DPF3: variants seen among roughly 807,000 people sequenced by gnomAD.
The protein encoded by DPF3 is zinc finger protein DPF3.
Under a neutral mutation model 56.8 loss-of-function variants are expected in DPF3, and 18 were observed. The ratio of observed to expected loss-of-function variants is 0.32; its 90% CI spans 0.22 to 0.47. The LOEUF is 0.47. Ranked by LOEUF, DPF3 falls within the 20% of genes least tolerant of loss-of-function variation. The pLI is 1.00. For missense variants in DPF3, 403 were observed against 488.8 expected (o/e 0.82, Z 1.65); for synonymous variants, 188 against 180.2 (o/e 1.04, Z -0.35).
chr14:72,888,094 G>T (rs995553177), intron 1 of DPF3, among the ~76,000 whole-genome samples: 3 of 152,128 alleles, frequency 2.0e-5, no homozygotes, highest in Non-Finnish European at 2.9e-5. Flanking sequence ...CAGAACTGAG[G>T]CCTGGCTGGT....
intron 8 of DPF3, chr14:72,661,747 G>A: frequency 2.0e-6 from 2 of 985,368 alleles, no homozygotes; most frequent in Non-Finnish European, 1.2e-6. Context: ...AGCTCTGGAA[G>A]CTCAGGCCCC....
chr14:72,886,503 T>G (rs879419160), intron 1 of DPF3, among the ~76,000 whole-genome samples: 2 of 152,102 alleles, frequency 1.3e-5, no homozygotes, highest in African/African-American at 2.4e-5. Context: ...TACTAAAGAT[T>G]AGAAATAAAT....
Position 72,714,471 on chromosome 14 carries a change from G to A in DPF3, c.556C>T (p.His186Tyr). 2 of 1,613,810 alleles carry A rather than the reference G, an allele frequency of 1.2e-6. No individual in the cohort carries two copies. Among genetic ancestry groups the A allele is most frequent in the Non-Finnish European group, 1.7e-6 (2 of 1,179,784 alleles). The change falls in exon 6 of 11, where the codon CAC (histidine) becomes TAC (tyrosine). Residue 186 changes from histidine (H) to tyrosine (Y), a missense_variant. Physicochemically the swap from His to Tyr is moderately conservative, Grantham distance 83 (BLOSUM62 2). Transcript: ENST00000556509. Reference protein sequence around the residue: ...ARGSAGGRRRHDAASQEDHDK... With the variant: ...ARGSAGGRRRYDAASQEDHDK... ...TGGTCTTCCTGAGAGGCGGCGTCGT[G>A]CCTCCTCCTGCCCCCTGCAGAGCCG...
chr14:72,800,747 T>C (rs1039767821), intron 1 of DPF3, among the ~76,000 whole-genome samples: 1 of 151,798 alleles, frequency 6.6e-6, no homozygotes, highest in Non-Finnish European at 1.5e-5. Flanking sequence ...GGTGGATGCA[T>C]GGATGGGTGC....
rs80164879 is a variant in DPF3, at chr14:72,844,952, T to A, written c.32+49105A>T. On this transcript the variant is annotated intron_variant, in intron 1 of 10. Coordinates refer to ENST00000556509, the MANE Select transcript of DPF3 (RefSeq NM_001280542.3). Reference sequence around the variant, plus strand: ...CTGGGCAACATAGTGAGTCCCTGACTCTACAACAAATTTAAAAATTAGCCA... The same window carrying A: ...CTGGGCAACATAGTGAGTCCCTGACACTACAACAAATTTAAAAATTAGCCA... Among the ~76,000 whole-genome samples, 3 of 152,268 alleles carry A rather than the reference T, an allele frequency of 2.0e-5. No homozygotes were observed. In the East Asian group the frequency reaches 5.8e-4, roughly 29 times the overall value.
chr14:72,712,648 G>A (rs182028008), intron 6 of DPF3, among the ~76,000 whole-genome samples: 44 of 152,302 alleles, frequency 2.9e-4, no homozygotes, highest in African/African-American at 1.0e-3. Flanking sequence ...TGAGGCAGGA[G>A]GATCACTTGA....
intron 8 of DPF3, among the ~76,000 whole-genome samples, chr14:72,633,889 A>G (rs1467141807): frequency 5.9e-5 from 9 of 152,194 alleles, no homozygotes; most frequent in Admixed American, 1.3e-4. Context: ...GTGCTGAGCT[A>G]TGAAGACATT....
In DPF3 at chr14:72,778,216, C is replaced by G. The variant is rs186608782; in HGVS notation, c.33-6323G>C. Among the ~76,000 whole-genome samples the G allele has an allele frequency of 2.3e-3, 356 of 152,294 alleles. 2 individuals are homozygous for G. The highest frequency in any genetic ancestry group is 5.0e-3 in the South Asian group (24 of 4,818). The stretch of plus-strand genomic sequence containing the variant: ...CAAACCCCTGGGCCACAGAGCAGTA[C>G]CAGTCCATGCCTGTTAGGAACTGGG... On this transcript the variant is annotated intron_variant, in intron 1 of 10. Coordinates refer to ENST00000556509, the MANE Select transcript of DPF3 (RefSeq NM_001280542.3).
Position 72,771,754 on chromosome 14 carries a change from C to T in DPF3, c.172G>A (p.Glu58Lys). 1.2e-6 allele frequency: 2 copies of T among 1,613,130 alleles called. No individual in the cohort carries two copies. Among genetic ancestry groups the T allele is most frequent in the Non-Finnish European group, 1.7e-6 (2 of 1,179,464 alleles). Residue 58 changes from glutamate (E) to lysine (K), a missense_variant, in exon 2 of 11, where the codon GAG (glutamate) becomes AAG (lysine). Coordinates refer to ENST00000556509, the MANE Select transcript of DPF3 (RefSeq NM_001280542.3). ...VAQNNCYIWMEKRHRGPGLAP... is the reference protein window; with the variant it reads ...VAQNNCYIWMKKRHRGPGLAP... ...TCACCTGGGCCTCGGTGCCTCTTCTCCATCCAGATGTAGCAGTTGTTCTGG... is the reference window on the plus strand; with the variant it reads ...TCACCTGGGCCTCGGTGCCTCTTCTTCATCCAGATGTAGCAGTTGTTCTGG...
chr14:72,876,382 G>A (rs964008939), intron 1 of DPF3, among the ~76,000 whole-genome samples: 7 of 152,148 alleles, frequency 4.6e-5, no homozygotes, highest in Non-Finnish European at 7.3e-5. Flanking sequence ...CCTTGCTGGA[G>A]GACACAGGAT....
intron 1 of DPF3, among the ~76,000 whole-genome samples, chr14:72,776,766 A>G (rs1050440786): frequency 6.6e-6 from 1 of 151,626 alleles, no homozygotes; most frequent in East Asian, 2.0e-4. Context: ...ACCTGAGGAC[A>G]GGTGTCCTGC....
chr14:72,810,561 A>G (rs749286458), intron 1 of DPF3, among the ~76,000 whole-genome samples: 2 of 152,130 alleles, frequency 1.3e-5, no homozygotes, highest in African/African-American at 2.4e-5. Context: ...TGGGTCTCAC[A>G]CACAAATGGC....
chr14:72,792,677 C>T (rs188028296), intron 1 of DPF3, among the ~76,000 whole-genome samples: 2 of 152,142 alleles, frequency 1.3e-5, no homozygotes, highest in East Asian at 3.9e-4. Flanking sequence ...GCAGCGCCTG[C>T]TCCTACAGAC....
intron 1 of DPF3, among the ~76,000 whole-genome samples, chr14:72,780,056 TG>T (rs35620344): frequency 6.6e-6 from 1 of 152,210 alleles, no homozygotes; most frequent in Non-Finnish European, 1.5e-5. Flanking sequence ...CCTGCCACAT[TG>T]GGTAAATGAT....
intron 1 of DPF3, chr14:72,773,754 A>G: frequency 2.2e-6 from 1 of 447,474 alleles, no homozygotes; most frequent in Non-Finnish European, 4.5e-6. Flanking sequence ...TTGACTTAGC[A>G]TAATATCCTC....
chr14:72,858,308 C>CCA (rs1885249479), intron 1 of DPF3, among the ~76,000 whole-genome samples: 1 of 119,854 alleles, frequency 8.3e-6, no homozygotes. Context: ...GACTCTATCT[C>CCA]AAAAAAAAAA....
chr14:72,890,097 G>C (rs2140136065), intron 1 of DPF3, among the ~76,000 whole-genome samples: 1 of 152,310 alleles, frequency 6.6e-6, no homozygotes, highest in East Asian at 1.9e-4. Context: ...TACCAACCAG[G>C]ATTTTGATAA....
chr14:72,618,280 T>A lies in DPF3; in HGVS notation c.*1017A>T, dbSNP rs1010160304. 6.6e-6 allele frequency among the ~76,000 whole-genome samples: 1 copy of A among 152,204 alleles called. No individual in the cohort carries two copies. Among genetic ancestry groups the A allele is most frequent in the Admixed American group, 6.5e-5 (1 of 15,280 alleles). On this transcript the variant is annotated 3_prime_UTR_variant, in exon 11 of 11. Coordinates refer to ENST00000556509, the MANE Select transcript of DPF3 (RefSeq NM_001280542.3). Reference sequence around the variant, plus strand: ...ACACTACGTGGAAGGAAGAAATTACTTGGAAAAAGGAATTCAGAGCGTCGC... The same window carrying A: ...ACACTACGTGGAAGGAAGAAATTACATGGAAAAAGGAATTCAGAGCGTCGC...
chr14:72,825,142 C>A (rs1049645420), intron 1 of DPF3, among the ~76,000 whole-genome samples: 1 of 152,254 alleles, frequency 6.6e-6, no homozygotes, highest in Non-Finnish European at 1.5e-5. Flanking sequence ...CCTGTCTCAG[C>A]CTCCCAAAGT....
Sources: allele counts gnomAD v4.1 joint callset (sites outside exome capture counted in the v4.1 genomes callset), GRCh38; gene constraint gnomAD v4.1.1; transcripts MANE v1.5; gene names NCBI Gene and HGNC (gene_info 2026-07-23, HGNC 2026-07-21).